ROBO2: variants seen among roughly 807,000 people sequenced by gnomAD.
The protein encoded by ROBO2 is roundabout guidance receptor 2.
In ROBO2, 53 loss-of-function variants were observed where a neutral mutation model predicts 160.8. That is an observed-to-expected ratio of 0.33 (90% CI 0.26 to 0.41). ROBO2 has a LOEUF of 0.41. Ranked by LOEUF, ROBO2 falls within the 10% of genes least tolerant of loss-of-function variation. ROBO2 has a pLI of 1.00. For synonymous variants in ROBO2, 664 were observed against 611.7 expected (o/e 1.09, Z -1.26); for missense variants, 1,577 against 1,722.4 (o/e 0.92, Z 1.49).
At chr3:77,644,611 G>A (rs2095392588) in intron 24 of ROBO2, 93 bp from the exon 27 acceptor site, 3 of 1,077,226 alleles carry the variant, frequency 2.8e-6, no homozygotes, top group Non-Finnish European at 4.3e-6. Flanking sequence ...AAATGGTAAA[G>A]TAGGCCATTC....
At chr3:76,060,499 G>A (rs868188503) in intron 2 of ROBO2, among the ~76,000 whole-genome samples, 1 of 152,124 alleles carries the variant, frequency 6.6e-6, no homozygotes, top group Non-Finnish European at 1.5e-5. Context: ...GGAAATTTTG[G>A]CTCCAGATCT....
At chr3:77,559,340 A>G (rs567874805) in intron 9 of ROBO2, among the ~76,000 whole-genome samples, 1 of 152,240 alleles carries the variant, frequency 6.6e-6, no homozygotes, top group South Asian at 2.1e-4. Flanking sequence ...CTCTATCAGT[A>G]CATTCAACTC....
intron 2 of ROBO2, among the ~76,000 whole-genome samples, chr3:76,503,397 T>C (rs1436160063): frequency 1.3e-5 from 2 of 152,072 alleles, no homozygotes; most frequent in Non-Finnish European, 2.9e-5. Context: ...CTCAATACAA[T>C]CAAGTTGATA....
Position 76,618,513 on chromosome 3 carries a change from T to C in ROBO2, c.110-479501T>C, listed in dbSNP as rs1560244029. 5.3e-5 allele frequency among the ~76,000 whole-genome samples: 8 copies of C among 151,332 alleles called. 1 individual carries two copies. In the South Asian group the frequency reaches 1.7e-3, roughly 32 times the overall value. On this transcript the variant is annotated intron_variant, in intron 2 of 26. Coordinates refer to the ROBO2 transcript ENST00000487694. ...TATATAATTTTCTCATCTCTCCTTA[T>C]GCTATAAAATACAAGCAGCTGTTGA...
chr3:76,240,961 T>C (rs1705247537), intron 2 of ROBO2, among the ~76,000 whole-genome samples: 1 of 152,232 alleles, frequency 6.6e-6, no homozygotes, highest in South Asian at 2.1e-4. Flanking sequence ...TCTTCCATTT[T>C]ACAATAAAAA....
chr3:76,473,763 T>C (rs2078790283), intron 2 of ROBO2, among the ~76,000 whole-genome samples: 4 of 152,120 alleles, frequency 2.6e-5, no homozygotes, highest in Admixed American at 2.6e-4. Flanking sequence ...GGAAGAAATG[T>C]AAAAAAGAAT....
intron 2 of ROBO2, among the ~76,000 whole-genome samples, chr3:76,321,984 CAGA>C (rs1310437748): frequency 6.6e-6 from 1 of 151,756 alleles, no homozygotes; most frequent in Non-Finnish European, 1.5e-5. Flanking sequence ...GTCTAGCACA[CAGA>C]ATCATGTGCT....
chr3:76,009,734 A>G (rs1214411901), intron 2 of ROBO2, among the ~76,000 whole-genome samples: 1 of 152,226 alleles, frequency 6.6e-6, no homozygotes, highest in African/African-American at 2.4e-5. Flanking sequence ...AAGATACATA[A>G]TAATGCTGGT....
intron 5 of ROBO2, among the ~76,000 whole-genome samples, chr3:77,495,412 ATAAT>A (rs1282478199): frequency 1.3e-5 from 2 of 152,218 alleles, no homozygotes; most frequent in Non-Finnish European, 2.9e-5. Flanking sequence ...TTGATAGGTA[ATAAT>A]TAAGTAAAGT....
intron 22 of ROBO2, among the ~76,000 whole-genome samples, chr3:77,618,618 TTTGTTTTGTTTTTTAAA>T (rs1326986633): frequency 6.6e-6 from 1 of 152,082 alleles, no homozygotes; most frequent in Non-Finnish European, 1.5e-5. Flanking sequence ...TTAAATAGTA[TTTGTTTTGTTTTTTAAA>T]TTGTTCTAGT....
intron 2 of ROBO2, among the ~76,000 whole-genome samples, chr3:76,648,448 C>G (rs1240924366): frequency 2.0e-5 from 3 of 151,972 alleles, no homozygotes; most frequent in African/African-American, 4.8e-5. Flanking sequence ...TTGATTCAAT[C>G]TTGGATCAAA....
intron 2 of ROBO2, among the ~76,000 whole-genome samples, chr3:76,939,579 G>T (rs2078013494): frequency 6.6e-6 from 1 of 152,064 alleles, no homozygotes; most frequent in South Asian, 2.1e-4. Context: ...AGAAGTTCGA[G>T]ACCAGCCTGG....
chr3:76,025,068 G>A lies in ROBO2; in HGVS notation c.109+87466G>A, dbSNP rs528181490. On this transcript the variant is annotated intron_variant, in intron 2 of 26. Transcript: ENST00000487694. ...ATTTATTTCTATGGAGAACCATAGT[G>A]TTAGTAAGTCGATCTGTAGAAAAAA... is the stretch of plus-strand genomic sequence containing the variant. Among the ~76,000 whole-genome samples, 39 of 151,100 alleles carry A rather than the reference G, an allele frequency of 2.6e-4. 1 individual carries two copies. In the South Asian group the frequency reaches 8.1e-3, roughly 31 times the overall value.
chr3:76,921,543 C>A (rs905791497), intron 2 of ROBO2, among the ~76,000 whole-genome samples: 1 of 152,098 alleles, frequency 6.6e-6, no homozygotes, highest in Admixed American at 6.5e-5. Context: ...ACCTGGGAGG[C>A]AGAGGTTGTA....
At chr3:76,189,287 CA>C (rs1473572203) in intron 2 of ROBO2, among the ~76,000 whole-genome samples, 1 of 151,728 alleles carries the variant, frequency 6.6e-6, no homozygotes, top group Non-Finnish European at 1.5e-5. Flanking sequence ...AGAAAGTATT[CA>C]ACACAATGGG....
At chr3:76,762,162 A>G (rs1232468124) in intron 2 of ROBO2, among the ~76,000 whole-genome samples, 1 of 151,600 alleles carries the variant, frequency 6.6e-6, no homozygotes, top group Admixed American at 6.6e-5. Context: ...CATTTAGACA[A>G]TTAGAACTAA....
At chr3:76,815,180 T>G (rs1023296445) in intron 2 of ROBO2, among the ~76,000 whole-genome samples, 2 of 152,050 alleles carry the variant, frequency 1.3e-5, no homozygotes, top group Non-Finnish European at 2.9e-5. Flanking sequence ...AGTATCTAAA[T>G]TTTTGTAAAG....
At chr3:77,042,459 C>T (rs2064195800) in intron 1 of ROBO2, among the ~76,000 whole-genome samples, 2 of 152,112 alleles carry the variant, frequency 1.3e-5, no homozygotes, top group African/African-American at 2.4e-5. Context: ...ATACATTAGA[C>T]TACAAAATTA....
chr3:77,482,903 A>G (rs915547931), intron 4 of ROBO2, among the ~76,000 whole-genome samples: 10 of 152,166 alleles, frequency 6.6e-5, no homozygotes, highest in Non-Finnish European at 1.5e-4. Flanking sequence ...GACTGCCTTC[A>G]GAAGGAAATT....
Sources: allele counts gnomAD v4.1 joint callset (sites outside exome capture counted in the v4.1 genomes callset), GRCh38; gene constraint gnomAD v4.1.1; transcripts MANE v1.5; gene names NCBI Gene and HGNC (gene_info 2026-07-23, HGNC 2026-07-21).